The following GPR160 variants were observed in gnomAD, a reference collection of about 807,000 sequenced individuals.
The protein encoded by GPR160 is G protein-coupled receptor 160.
Under a neutral mutation model 2.6 loss-of-function variants are expected in GPR160, and 2 were observed. That is an observed-to-expected ratio of 0.77 (90% confidence interval 0.32 to 2.44). The LOEUF (loss-of-function observed/expected upper bound fraction) is 2.44, where lower values mean the gene tolerates loss of function less well. GPR160 is among the 30% of genes most tolerant of loss of function. GPR160 has a pLI of 0.11. For missense variants in GPR160, 351 were observed against 383.6 expected (o/e 0.91, Z 0.71); for synonymous variants, 130 against 132.2 (o/e 0.98, Z 0.12).
chr3:170,080,592 G>A (rs538861405), intron 3 of GPR160, among the ~76,000 whole-genome samples: 333 of 152,190 alleles, frequency 2.2e-3, no homozygotes, highest in Middle Eastern at 6.8e-3. Flanking sequence ...AGACACAAGC[G>A]TCCTCCTCCA....
At chr3:170,079,122 G>A (rs936860771) in intron 2 of GPR160, among the ~76,000 whole-genome samples, 1 of 152,138 alleles carries the variant, frequency 6.6e-6, no homozygotes, top group East Asian at 1.9e-4. Flanking sequence ...CCAGGCTTTC[G>A]GCATTATGTC....
intron 2 of GPR160, among the ~76,000 whole-genome samples, chr3:170,078,788 G>T (rs1255957231): frequency 6.6e-6 from 1 of 152,168 alleles, no homozygotes; most frequent in Non-Finnish European, 1.5e-5. Flanking sequence ...GCACACATCT[G>T]TACTCTTCAA....
At position 170,045,994 on chromosome 3, in the gene GPR160, A is replaced by T. The variant is rs565684475; in HGVS notation, c.-193+6951A>T. Among the ~76,000 whole-genome samples, 4 of 152,336 alleles carry T rather than the reference A, an allele frequency of 2.6e-5. No homozygotes were observed. The South Asian group carries it at 8.3e-4, about 32-fold the overall frequency. ...CAGTGGCACGTCAAGTGCTTGTAAC[A>T]GTGCCTGGCATGGAGTAGGATGGAT... On this transcript the variant is annotated intron_variant, in intron 2 of 3. Coordinates refer to ENST00000355897, the MANE Select transcript of GPR160 (RefSeq NM_014373.3).
At chr3:170,041,849 A>G (rs1361463648) in intron 2 of GPR160, among the ~76,000 whole-genome samples, 6 of 152,208 alleles carry the variant, frequency 3.9e-5, no homozygotes, top group African/African-American at 1.4e-4. Flanking sequence ...GAAAGAGAAA[A>G]GAAACTTGCC....
intron 2 of GPR160, among the ~76,000 whole-genome samples, chr3:170,066,290 A>G (rs966394295): frequency 1.3e-5 from 2 of 151,086 alleles, no homozygotes; most frequent in Non-Finnish European, 3.0e-5. Flanking sequence ...ACAGGCGCCC[A>G]TCACCACGCC....
At chr3:170,061,190 G>A (rs535165041) in intron 2 of GPR160, among the ~76,000 whole-genome samples, 76 of 151,556 alleles carry the variant, frequency 5.0e-4, no homozygotes, top group Middle Eastern at 3.4e-3. Context: ...CAGGAGAATC[G>A]CTTGAACCTG....
chr3:170,069,511 G>A (rs1169000755), intron 2 of GPR160, among the ~76,000 whole-genome samples: 1 of 152,220 alleles, frequency 6.6e-6, no homozygotes, highest in African/African-American at 2.4e-5. Context: ...CACACTTTGT[G>A]TAGATGGGGC....
rs541398461 is a variant in GPR160 at position 170,060,652 on chromosome 3, T to C, written c.-192-19122T>C. On this transcript the variant is annotated intron_variant, in intron 2 of 3. Coordinates refer to ENST00000355897, the MANE Select transcript of GPR160 (RefSeq NM_014373.3). The stretch of plus-strand genomic sequence containing the variant: ...GGCATGGTGGTGCACACCTCTATAG[T>C]CCTAGCTACTCAGGAGGCTGCGGTG... 1.1e-4 allele frequency among the ~76,000 whole-genome samples: 17 copies of C among 152,158 alleles called. No homozygotes were observed. In the South Asian group the frequency reaches 1.9e-3, roughly 17 times the overall value.
intron 3 of GPR160, among the ~76,000 whole-genome samples, 174 bp downstream of exon 3, chr3:170,080,071 CA>C (rs879931887): frequency 6.6e-6 from 1 of 152,184 alleles, no homozygotes; most frequent in Non-Finnish European, 1.5e-5. Context: ...TTTCAGGTTG[CA>C]TATGAGTTCA....
rs970374631 is a variant in GPR160, at chr3:170,044,001, A to G, written c.-193+4958A>G. On this transcript the variant is annotated intron_variant, in intron 2 of 3. Transcript: ENST00000355897. ...TTTTTTAACGGTAAGAGATCTTTCTATGTATGTGTCTCTACCCCAAATGGA... is the reference window on the plus strand; with the variant it reads ...TTTTTTAACGGTAAGAGATCTTTCTGTGTATGTGTCTCTACCCCAAATGGA... Among the ~76,000 whole-genome samples the G allele has an allele frequency of 4.0e-5, 6 of 149,862 alleles. 1 individual carries two copies. Among genetic ancestry groups the G allele is most frequent in the Admixed American group, 1.3e-4 (2 of 14,990 alleles).
chr3:170,083,908 C>A lies in GPR160; in HGVS notation c.-65C>A, dbSNP rs2108200249. On this transcript the variant is annotated 5_prime_UTR_variant, in exon 4 of 4. Coordinates refer to ENST00000355897, the MANE Select transcript of GPR160 (RefSeq NM_014373.3). ...TTTCTTTTCACTTTTTTTGCAGGGA[C>A]AGAAAATGAAGCAGTGTTTTATCAT... The A allele has an allele frequency of 1.1e-6, 1 of 895,160 alleles. No homozygotes were observed. The highest frequency in any genetic ancestry group is 1.7e-5 in the African/African-American group (1 of 57,832). The allele number at this position is 895,160 out of a possible 1,614,324, so 55.5% of individuals were successfully genotyped here. A position where few individuals can be genotyped will look rare whatever the true frequency, so the allele number is the denominator to read the frequency against.
rs551862105 is a variant in GPR160, at chr3:170,062,659, CA to C, written c.-192-17113del. ...GTGATTCCACCAATGCAGCCATCGC[CA>C]AGCAAGCCTTGAAATAGCCCATCAA... On this transcript the variant is annotated intron_variant, in intron 2 of 3. Transcript: ENST00000355897. 3.5e-4 allele frequency: 498 copies of C among 1,438,256 alleles called. 2 individuals are homozygous for C. In the African/African-American group the frequency reaches 5.6e-3, roughly 16 times the overall value. The allele number at this position is 1,438,256 out of a possible 1,614,324, so 89.1% of individuals were successfully genotyped here.
intron 2 of GPR160, among the ~76,000 whole-genome samples, chr3:170,072,308 C>T (rs758576622): frequency 3.9e-5 from 6 of 152,094 alleles, no homozygotes; most frequent in East Asian, 1.9e-4. Flanking sequence ...CTCCTGACCT[C>T]AAGTGATCCA....
chr3:170,070,741 A>T (rs1399061756), intron 2 of GPR160, among the ~76,000 whole-genome samples: 2 of 152,156 alleles, frequency 1.3e-5, no homozygotes, highest in East Asian at 1.9e-4. Context: ...ATTTACTGTT[A>T]TGTTAGTGGA....
intron 2 of GPR160, among the ~76,000 whole-genome samples, chr3:170,071,387 G>A (rs1297509519): frequency 6.6e-6 from 1 of 152,166 alleles, no homozygotes; most frequent in African/African-American, 2.4e-5. Context: ...TGAGATGCCT[G>A]TTCCCCTTTT....
In GPR160 at chr3:170,084,322, GTA is replaced by G; in HGVS notation, c.353_354del (p.Ile118ArgfsTer8). Reference sequence around the variant, plus strand: ...CATTATCCAGTTTTCCTGACAGCTTGTATAGATTATTGCCTGAATTTCTCTAA... The same window carrying G: ...CATTATCCAGTTTTCCTGACAGCTTGTAGATTATTGCCTGAATTTCTCTAA... On this transcript the variant is annotated frameshift_variant, in exon 4 of 4. Transcript: ENST00000355897. LOFTEE classifies it low-confidence loss of function (END_TRUNC). 1 of 1,609,290 alleles carries G rather than the reference GTA, an allele frequency of 6.2e-7. No homozygotes were observed. The highest frequency in any genetic ancestry group is 1.1e-5 in the South Asian group (1 of 90,416).
chr3:170,041,541 A>G (rs1716453768), intron 2 of GPR160, among the ~76,000 whole-genome samples: 2 of 152,040 alleles, frequency 1.3e-5, no homozygotes, highest in Admixed American at 6.6e-5. Flanking sequence ...CAGCCTCCCA[A>G]AGTGTTGGGA....
At chr3:170,039,320 G>A (rs1576882338) in intron 2 of GPR160, among the ~76,000 whole-genome samples, 1 of 152,208 alleles carries the variant, frequency 6.6e-6, no homozygotes, top group Non-Finnish European at 1.5e-5. Flanking sequence ...CAGGGAGGAG[G>A]ACCTGTGTGC....
At position 170,074,284 on chromosome 3, in the gene GPR160, AGTT is replaced by A. The variant is rs1712745389; in HGVS notation, c.-192-5486_-192-5484del. 2.6e-5 allele frequency among the ~76,000 whole-genome samples: 4 copies of A among 152,130 alleles called. No individual in the cohort carries two copies. The South Asian group carries it at 8.3e-4, about 32-fold the overall frequency. On this transcript the variant is annotated intron_variant, in intron 2 of 3. Coordinates refer to ENST00000355897, the MANE Select transcript of GPR160 (RefSeq NM_014373.3). ...TCATCATACAAATTTATCGAAATAA[AGTT>A]GTTCAAAATAGTTCCTTATTCTTTT...
Sources: allele counts gnomAD v4.1 joint callset (sites outside exome capture counted in the v4.1 genomes callset), GRCh38; gene constraint gnomAD v4.1.1; transcripts MANE v1.5; gene names NCBI Gene and HGNC (gene_info 2026-07-23, HGNC 2026-07-21).